The following SLC41A3 variants were observed in gnomAD, a reference collection of about 807,000 sequenced individuals.
The protein encoded by SLC41A3 is solute carrier family 41 member 3, also known as SLC41A1-like 2.
Under a neutral mutation model 45.4 loss-of-function variants are expected in SLC41A3, and 44 were observed. The observed-to-expected ratio is 0.97, with a 90% CI of 0.76 to 1.25. The LOEUF (loss-of-function observed/expected upper bound fraction) is 1.25, where lower values mean the gene tolerates loss of function less well. SLC41A3 is among the 50% of genes most tolerant of loss of function. The pLI, the probability that SLC41A3 is intolerant of heterozygous loss-of-function variation, is 0.00. For missense variants in SLC41A3, 550 were observed against 600.6 expected, an observed-to-expected ratio of 0.92 and a Z score of 0.88; for synonymous variants, 256 against 252.4, an observed-to-expected ratio of 1.01 and a Z score of -0.13.
At chr3:126,063,903 C>T (rs1289718152) in intron 2 of SLC41A3, among the ~76,000 whole-genome samples, 2 of 144,740 alleles carry the variant, frequency 1.4e-5, no homozygotes, top group Non-Finnish European at 3.0e-5. Flanking sequence ...AAGGTGACCT[C>T]CACTGGGTGT....
At chr3:126,020,275 C>G (rs546933829) in intron 6 of SLC41A3, among the ~76,000 whole-genome samples, 1 of 152,092 alleles carries the variant, frequency 6.6e-6, no homozygotes, top group East Asian at 1.9e-4. Context: ...TGAAACGATT[C>G]CGTCTTTCTA....
At chr3:126,050,815 A>C in intron 3 of SLC41A3, 128 bp downstream of exon 3, 5 of 1,403,554 alleles carry the variant, frequency 3.6e-6, no homozygotes, top group Non-Finnish European at 3.7e-6. Flanking sequence ...ATGATGAGGT[A>C]TCAAAACCCA....
intron 2 of SLC41A3, among the ~76,000 whole-genome samples, chr3:126,059,847 T>C (rs1354957962): frequency 6.6e-6 from 1 of 152,208 alleles, no homozygotes; most frequent in East Asian, 1.9e-4. Flanking sequence ...GCTCAAGGCC[T>C]GTTGTGGGAT....
chr3:126,092,218 T>C (rs1483847958), intron 1 of SLC41A3, among the ~76,000 whole-genome samples: 1 of 152,108 alleles, frequency 6.6e-6, no homozygotes, highest in Admixed American at 6.5e-5. Flanking sequence ...AGGTTGTGGG[T>C]TTACCGGAAT....
intron 2 of SLC41A3, among the ~76,000 whole-genome samples, chr3:126,056,046 C>G (rs1038175056): frequency 3.3e-5 from 5 of 152,216 alleles, no homozygotes; most frequent in African/African-American, 9.7e-5. Context: ...TGGTGAGTGG[C>G]AGACTCTGCC....
chr3:126,097,048 C>T (rs529064883), intron 1 of SLC41A3, among the ~76,000 whole-genome samples: 94 of 152,296 alleles, frequency 6.2e-4, no homozygotes, highest in African/African-American at 2.1e-3. Context: ...GGAAGAGACC[C>T]GAGCAAGCAC....
intron 1 of SLC41A3, chr3:126,078,960 CA>C (rs2108080223): frequency 6.6e-6 from 1 of 152,426 alleles, no homozygotes; most frequent in Admixed American, 6.5e-5. Context: ...ATCATGCCCA[CA>C]GTGTGTTCTC....
chr3:126,047,252 A>T (rs1576302547), intron 3 of SLC41A3, among the ~76,000 whole-genome samples: 1 of 152,056 alleles, frequency 6.6e-6, no homozygotes, highest in East Asian at 1.9e-4. Flanking sequence ...GGTCCCAGCT[A>T]CTCAGGAGGC....
At chr3:126,092,231 G>C (rs145011146) in intron 1 of SLC41A3, among the ~76,000 whole-genome samples, 4 of 152,288 alleles carry the variant, frequency 2.6e-5, no homozygotes, top group African/African-American at 9.6e-5. Flanking sequence ...ACCGGAATGA[G>C]GGCAAGGAAC....
intron 3 of SLC41A3, among the ~76,000 whole-genome samples, chr3:126,034,403 A>C (rs1942036965): frequency 1.3e-5 from 2 of 152,270 alleles, no homozygotes; most frequent in Admixed American, 6.5e-5. Context: ...CCTTAAACTC[A>C]GTTCATTAAG....
At chr3:126,044,622 G>A (rs924814762) in intron 3 of SLC41A3, among the ~76,000 whole-genome samples, 5 of 152,106 alleles carry the variant, frequency 3.3e-5, no homozygotes, top group South Asian at 2.1e-4. Flanking sequence ...AGGGCCGGGC[G>A]CAGTGGCTCA....
rs1338281183 is a variant in SLC41A3 at position 126,051,118 on chromosome 3, A to C, written c.274-68T>G. ...AGCAAATCTCTGGAAATTTCTTGAG[A>C]GAACCTTCAGCAAGTCACTTTTCAC... On this transcript the variant is annotated intron_variant, in intron 2 of 10. Transcript: ENST00000360370. 2.1e-6 allele frequency: 3 copies of C among 1,455,790 alleles called. No homozygotes were observed. In the East Asian group the frequency reaches 7.3e-5, roughly 36 times the overall value. 90.2% of individuals were successfully genotyped at this position (1,455,790 alleles called of 1,614,324 possible).
rs1365403255 is a variant in SLC41A3, at chr3:126,006,410, AAT to A, written c.*604_*605del. On this transcript the variant is annotated 3_prime_UTR_variant, in exon 11 of 11. Transcript: ENST00000360370. The stretch of plus-strand genomic sequence containing the variant: ...ACACTTCTCTGATTATTGAAATCTA[AAT>A]AGAGGTTTTTGCTAACAAACAAAAA... 6.2e-7 allele frequency: 1 copy of A among 1,610,616 alleles called. No homozygotes were observed. Among genetic ancestry groups the A allele is most frequent in the Admixed American group, 1.7e-5 (1 of 59,324 alleles).
intron 2 of SLC41A3, among the ~76,000 whole-genome samples, chr3:126,060,439 T>TACACACACACACCCACACACACAC (rs1553741201): frequency 1.6e-4 from 23 of 146,416 alleles, no homozygotes; most frequent in African/African-American, 5.8e-4. Context: ...GTGAGAAGGA[T>TACACACACACACCCACACACACAC]ACACACACAC....
chr3:126,063,949 A>ACCCACCCCCCCCC (rs1944207111), intron 2 of SLC41A3, among the ~76,000 whole-genome samples: 1 of 101,994 alleles, frequency 9.8e-6, no homozygotes, highest in African/African-American at 3.4e-5. Flanking sequence ...GCCAGATCCA[A>ACCCACCCCCCCCC]CCCCCCCCCG....
At position 126,026,227 on chromosome 3, in the gene SLC41A3, T is replaced by C; in HGVS notation, c.598+108A>G. 1 of 1,439,752 alleles carries C rather than the reference T, an allele frequency of 6.9e-7. No homozygotes were observed. Among genetic ancestry groups the C allele is most frequent in the Non-Finnish European group, 9.4e-7 (1 of 1,069,020 alleles). 89.2% of individuals were successfully genotyped at this position (1,439,752 alleles called of 1,614,324 possible). The stretch of plus-strand genomic sequence containing the variant: ...AACCCTGAGCCCACCATCAGTCCCA[T>C]TAGCAGTGGGACTCACACCCCCAGA... On this transcript the variant is annotated intron_variant, in intron 5 of 10. Coordinates refer to ENST00000360370, the MANE Select transcript of SLC41A3 (RefSeq NM_017836.4). The surrounding 1 kb of genome is among the most constrained non-coding windows in gnomAD (Gnocchi z 4.2).
intron 2 of SLC41A3, among the ~76,000 whole-genome samples, chr3:126,063,190 T>A (rs1944160173): frequency 6.6e-6 from 1 of 152,176 alleles, no homozygotes; most frequent in African/African-American, 2.4e-5. Flanking sequence ...TGAGGTCTCC[T>A]TAAAAATAGA....
intron 1 of SLC41A3, among the ~76,000 whole-genome samples, chr3:126,100,712 T>A (rs905558091): frequency 3.9e-5 from 6 of 152,216 alleles, no homozygotes; most frequent in African/African-American, 1.4e-4. Flanking sequence ...GTTTCTGGCA[T>A]CTGGACACCG....
chr3:126,080,875 C>T (rs1945114863), intron 1 of SLC41A3, among the ~76,000 whole-genome samples: 1 of 151,922 alleles, frequency 6.6e-6, no homozygotes, highest in African/African-American at 2.4e-5. Flanking sequence ...CACTTGAACC[C>T]AGGAGGTGGA....
Sources: allele counts gnomAD v4.1 joint callset (sites outside exome capture counted in the v4.1 genomes callset), GRCh38; gene constraint gnomAD v4.1.1; non-coding constraint Gnocchi (gnomAD v3.1); transcripts MANE v1.5; gene names NCBI Gene and HGNC (gene_info 2026-07-23, HGNC 2026-07-21).